The following ELP4 variants were observed in gnomAD, a reference collection of about 807,000 sequenced individuals.
The protein encoded by ELP4 is elongator complex protein 4.
ELP4 carries 51 observed loss-of-function variants against 48.9 expected under a neutral mutation model. The observed-to-expected ratio is 1.04, with a 90% CI of 0.83 to 1.32. The LOEUF is 1.32. ELP4 is among the 40% of genes most tolerant of loss of function. The pLI is 0.00. For synonymous variants in ELP4, 210 were observed against 189.2 expected (o/e 1.11, Z -0.90); for missense variants, 519 against 514.6 (o/e 1.01, Z -0.08).
intron 3 of ELP4, among the ~76,000 whole-genome samples, chr11:31,575,053 A>G (rs1214917800): frequency 6.6e-6 from 1 of 152,222 alleles, no homozygotes; most frequent in Non-Finnish European, 1.5e-5. Context: ...AAAAGATTAG[A>G]CGAATGGCTA....
intron 9 of ELP4, among the ~76,000 whole-genome samples, chr11:31,675,682 T>C (rs185065976): frequency 2.5e-4 from 38 of 152,328 alleles, no homozygotes; most frequent in Non-Finnish European, 1.2e-4. Context: ...TAGATACTTA[T>C]ACTGTGGAAG....
chr11:31,589,758 GCCAT>G (rs1464845628), intron 3 of ELP4, among the ~76,000 whole-genome samples: 3 of 152,084 alleles, frequency 2.0e-5, no homozygotes, highest in Admixed American at 6.6e-5. Flanking sequence ...TATCAGAAAG[GCCAT>G]CCTTTACTAA....
chr11:31,593,865 G>A (rs1328018706), intron 3 of ELP4, among the ~76,000 whole-genome samples: 1 of 152,174 alleles, frequency 6.6e-6, no homozygotes, highest in African/African-American at 2.4e-5. Flanking sequence ...CTTTTAGAAG[G>A]TGAGTAAAAT....
At chr11:31,641,648 G>T (rs1463242703) in intron 7 of ELP4, among the ~76,000 whole-genome samples, 5 of 151,764 alleles carry the variant, frequency 3.3e-5, no homozygotes, top group Non-Finnish European at 7.4e-5. Flanking sequence ...ATTCAAGCAG[G>T]TGAGGACCTT....
intron 9 of ELP4, among the ~76,000 whole-genome samples, chr11:31,746,215 G>A (rs994165528): frequency 5.9e-5 from 9 of 152,218 alleles, no homozygotes; most frequent in South Asian, 2.1e-4. Context: ...TTAGAATGGC[G>A]GTCATTAAAA....
chr11:31,742,305 A>T (rs1217067848), intron 9 of ELP4, among the ~76,000 whole-genome samples: 1 of 152,244 alleles, frequency 6.6e-6, no homozygotes, highest in African/African-American at 2.4e-5. Flanking sequence ...GAATGGAACC[A>T]AGTTGGAAAA....
At chr11:31,560,341 A>G (rs988488571) in intron 3 of ELP4, among the ~76,000 whole-genome samples, 7 of 152,102 alleles carry the variant, frequency 4.6e-5, no homozygotes, top group Non-Finnish European at 2.9e-5. Context: ...AAGATAATGT[A>G]CTTATATTTA....
intron 3 of ELP4, among the ~76,000 whole-genome samples, chr11:31,568,793 C>G (rs1157503136): frequency 6.6e-6 from 1 of 151,980 alleles, no homozygotes; most frequent in East Asian, 1.9e-4. Context: ...GGATTAAAAA[C>G]CTAAATCTAG....
chr11:31,776,290 G>T (rs1325848228), intron 9 of ELP4, among the ~76,000 whole-genome samples: 3 of 152,140 alleles, frequency 2.0e-5, no homozygotes, highest in East Asian at 3.9e-4. Context: ...CTCTTGCCAA[G>T]ATCTAATAGC....
At chr11:31,646,433 C>T (rs1945200292) in intron 7 of ELP4, 1 of 151,710 alleles carries the variant, frequency 6.6e-6, no homozygotes, top group East Asian at 2.0e-4. Context: ...TGTTTGGTGA[C>T]ACAGGCTACT....
At chr11:31,543,116 G>T (rs1431058451) in intron 3 of ELP4, among the ~76,000 whole-genome samples, 2 of 151,954 alleles carry the variant, frequency 1.3e-5, no homozygotes, top group South Asian at 2.1e-4. Context: ...AATAGACTGG[G>T]GAAAAAAAAG....
At chr11:31,649,687 G>A (rs945318550) in intron 8 of ELP4, 2 of 154,206 alleles carry the variant, frequency 1.3e-5, no homozygotes, top group Non-Finnish European at 2.9e-5. Flanking sequence ...TGCTTCACTG[G>A]TTATCAGTAA....
chr11:31,662,047 G>A (rs539797133), intron 9 of ELP4, among the ~76,000 whole-genome samples: 3 of 152,010 alleles, frequency 2.0e-5, no homozygotes, highest in East Asian at 1.9e-4. Context: ...CTTCAGTTTG[G>A]CTTGTTCAGA....
At chr11:31,686,203 G>A (rs1365946038) in intron 9 of ELP4, among the ~76,000 whole-genome samples, 2 of 151,534 alleles carry the variant, frequency 1.3e-5, no homozygotes, top group Admixed American at 1.3e-4. Flanking sequence ...TACAATTAAG[G>A]TTATCACCTT....
chr11:31,739,865 AG>A (rs1947407961), intron 9 of ELP4, among the ~76,000 whole-genome samples: 1 of 152,206 alleles, frequency 6.6e-6, no homozygotes, highest in South Asian at 2.1e-4. Context: ...TCTTATGTAC[AG>A]AACATATTTA....
chr11:31,584,527 TG>T (rs1332301091), intron 3 of ELP4, among the ~76,000 whole-genome samples: 22 of 152,186 alleles, frequency 1.4e-4, no homozygotes, highest in African/African-American at 3.9e-4. Context: ...TTTGTTTTGT[TG>T]TTGTTGTTGT....
chr11:31,714,491 T>C (rs1190318812), intron 9 of ELP4: 6 of 396,172 alleles, frequency 1.5e-5, no homozygotes, highest in Non-Finnish European at 2.7e-5. Context: ...TTAACAGTTG[T>C]TTAAAACCAT....
At chr11:31,771,927 A>T (rs1948152542) in intron 9 of ELP4, among the ~76,000 whole-genome samples, 1 of 151,744 alleles carries the variant, frequency 6.6e-6, no homozygotes, top group African/African-American at 2.4e-5. Context: ...GGTTGCAGTG[A>T]GCCAAGATTG....
At chr11:31,552,891 G>A (rs1000033520) in intron 3 of ELP4, among the ~76,000 whole-genome samples, 19 of 152,140 alleles carry the variant, frequency 1.2e-4, no homozygotes, top group African/African-American at 4.3e-4. Context: ...ACTTTATTCT[G>A]TTTATATGAA....
Sources: gnomAD v4.1 joint callset for allele counts (sites outside exome capture counted in the v4.1 genomes callset) on GRCh38, gnomAD v4.1.1 for gene constraint, MANE v1.5 for transcripts, NCBI Gene and HGNC (gene_info 2026-07-23, HGNC 2026-07-21) for gene names.